The following PTPRN2 variants were observed in gnomAD, a reference collection of about 807,000 sequenced individuals.
The protein encoded by PTPRN2 is receptor-type tyrosine-protein phosphatase N2.
A neutral mutation model predicts 118.8 loss-of-function variants in PTPRN2; 74 were observed. That is an observed-to-expected ratio of 0.62 (90% CI 0.52 to 0.76). The LOEUF is 0.76. PTPRN2 is among the 30% of genes least tolerant of loss of function. The pLI, the probability that PTPRN2 is intolerant of heterozygous loss-of-function variation, is 0.00. For missense variants in PTPRN2, 1,481 were observed against 1,394.4 expected, an observed-to-expected ratio of 1.06 and a Z score of -0.99; for synonymous variants, 641 against 608.0, an observed-to-expected ratio of 1.05 and a Z score of -0.80.
intron 1 of PTPRN2, among the ~76,000 whole-genome samples, chr7:158,495,239 G>A (rs1821744190): frequency 6.6e-6 from 1 of 152,184 alleles, no homozygotes; most frequent in Non-Finnish European, 1.5e-5. Context: ...ACAGCCTGAG[G>A]CTCTGGGGTT....
intron 2 of PTPRN2, among the ~76,000 whole-genome samples, chr7:158,326,873 A>G: frequency 6.6e-6 from 1 of 151,476 alleles, no homozygotes; most frequent in Non-Finnish European, 1.5e-5. Flanking sequence ...TCTCGCATGC[A>G]CACGTTCTCA....
intron 6 of PTPRN2, among the ~76,000 whole-genome samples, chr7:158,153,321 T>G (rs1821383723): frequency 6.6e-6 from 1 of 152,184 alleles, no homozygotes; most frequent in African/African-American, 2.4e-5. Context: ...AACCCAGCAT[T>G]CAGAAAGCCC....
At chr7:157,945,884 G>A (rs757584134) in intron 11 of PTPRN2, among the ~76,000 whole-genome samples, 5 of 152,094 alleles carry the variant, frequency 3.3e-5, no homozygotes, top group Non-Finnish European at 5.9e-5. Context: ...ACCAACAGCT[G>A]GGGCATTCTC....
rs144223762 is a variant in PTPRN2 at position 157,861,292 on chromosome 7, C to T, written c.1788+37381G>A. Among the ~76,000 whole-genome samples the T allele has an allele frequency of 1.2e-3, 180 of 152,330 alleles. No homozygotes were observed. Among genetic ancestry groups the T allele is most frequent in the African/African-American group, 4.0e-3 (166 of 41,586 alleles). On this transcript the variant is annotated intron_variant, in intron 12 of 22. Coordinates refer to ENST00000389418, the MANE Select transcript of PTPRN2 (RefSeq NM_002847.5). This position sits in a 1 kb window ranked among gnomAD's most constrained non-coding sequence, Gnocchi z 5.8. ...GAACCGAAGCCCTCTGTGGGGAATC[C>T]GTGGGAGGATGAGAGGCCTGGATTG... is the stretch of plus-strand genomic sequence containing the variant.
At chr7:158,539,282 G>A (rs1825833387) in intron 1 of PTPRN2, 1 of 152,246 alleles carries the variant, frequency 6.6e-6, no homozygotes. Context: ...CTAGGCACCT[G>A]AAGACACAAG....
intron 9 of PTPRN2, among the ~76,000 whole-genome samples, chr7:158,114,925 G>A (rs767341623): frequency 5.3e-5 from 8 of 152,164 alleles, no homozygotes; most frequent in Non-Finnish European, 1.0e-4. Context: ...AGGCACGGAT[G>A]GCTAGAAGGA....
At chr7:158,214,612 A>AT (rs1266401618) in intron 3 of PTPRN2, among the ~76,000 whole-genome samples, 2 of 152,180 alleles carry the variant, frequency 1.3e-5, no homozygotes, top group African/African-American at 4.8e-5. Context: ...TGAGGCTGTA[A>AT]TAAGGCCTCC....
chr7:158,086,028 T>C (rs938146316), intron 10 of PTPRN2, among the ~76,000 whole-genome samples: 2 of 152,244 alleles, frequency 1.3e-5, no homozygotes, highest in Non-Finnish European at 2.9e-5. Context: ...TGTCCCGGCC[T>C]CACACACAGA....
In PTPRN2 at chr7:158,022,588, G is replaced by A. The variant is rs1368919892; in HGVS notation, c.1723+58710C>T. ...CCGGGCACTCTGTCTGGGGCAGCCC[G>A]TAATGTGTTCATAGCCAAGGCCCCG... On this transcript the variant is annotated intron_variant, in intron 11 of 22. Coordinates refer to ENST00000389418, the MANE Select transcript of PTPRN2 (RefSeq NM_002847.5). This position sits in a 1 kb window ranked among gnomAD's most constrained non-coding sequence, Gnocchi z 4.6. 3.5e-5 allele frequency among the ~76,000 whole-genome samples: 5 copies of A among 143,774 alleles called. No homozygotes were observed. Among genetic ancestry groups the A allele is most frequent in the South Asian group, 2.3e-4 (1 of 4,310 alleles). The allele number at this position is 143,774 out of a possible 152,430, so 94.3% of individuals were successfully genotyped here.
chr7:158,311,880 C>T (rs148038482), intron 3 of PTPRN2, among the ~76,000 whole-genome samples: 152 of 147,076 alleles, frequency 1.0e-3, no homozygotes, highest in Admixed American at 3.8e-3. Flanking sequence ...GACACCCACA[C>T]ACCTGCACGT....
chr7:157,774,188 AACAG>A (rs1339568474), intron 12 of PTPRN2, among the ~76,000 whole-genome samples: 1 of 152,238 alleles, frequency 6.6e-6, no homozygotes, highest in Non-Finnish European at 1.5e-5. Flanking sequence ...ATATGACAAA[AACAG>A]ACAATCTATT....
chr7:158,066,574 A>C (rs1003844487), intron 11 of PTPRN2, among the ~76,000 whole-genome samples: 1 of 152,110 alleles, frequency 6.6e-6, no homozygotes, highest in African/African-American at 2.4e-5. Flanking sequence ...AAATTCCAAA[A>C]CCAGGCACTG....
Position 158,140,265 on chromosome 7 carries a change from G to C in PTPRN2, c.911-1750C>G, listed in dbSNP as rs117559597. On this transcript the variant is annotated intron_variant, in intron 6 of 22. Coordinates refer to ENST00000389418, the MANE Select transcript of PTPRN2 (RefSeq NM_002847.5). The stretch of plus-strand genomic sequence containing the variant: ...AGTGGCACAGTGACAACTCCGAGGA[G>C]ACTGTTTCAAAGGCGCCAGGGCGTT... Among the ~76,000 whole-genome samples, 113 of 152,352 alleles carry C rather than the reference G, an allele frequency of 7.4e-4. 1 individual carries two copies. The East Asian group carries it at 0.017, about 22-fold the overall frequency.
intron 11 of PTPRN2, among the ~76,000 whole-genome samples, chr7:158,006,040 A>G (rs992415084): frequency 1.3e-5 from 2 of 152,168 alleles, no homozygotes; most frequent in African/African-American, 2.4e-5. Flanking sequence ...CCACTGCCCA[A>G]ATAAACATGT....
At position 157,764,520 on chromosome 7, in the gene PTPRN2, T is replaced by C. The variant is rs868111098; in HGVS notation, c.1789-81583A>G. On this transcript the variant is annotated intron_variant, in intron 12 of 22. Transcript: ENST00000389418. This position sits in a 1 kb window ranked among gnomAD's most constrained non-coding sequence, Gnocchi z 4.5. ...TGTGATTCCACTCGTATGGGGTCCT[T>C]AGAGTCATCAGATCCATAGAGACAG... Among the ~76,000 whole-genome samples, 1 of 152,142 alleles carries C rather than the reference T, an allele frequency of 6.6e-6. No homozygotes were observed. Among genetic ancestry groups the C allele is most frequent in the South Asian group, 2.1e-4 (1 of 4,832 alleles).
At chr7:158,377,575 T>C (rs568452635) in intron 2 of PTPRN2, among the ~76,000 whole-genome samples, 92 of 152,168 alleles carry the variant, frequency 6.0e-4, no homozygotes, top group African/African-American at 1.7e-3. Flanking sequence ...CTGGCTCGGC[T>C]TGGGGGTGGA....
intron 12 of PTPRN2, among the ~76,000 whole-genome samples, chr7:157,824,103 C>T (rs556997183): frequency 2.0e-5 from 3 of 152,186 alleles, no homozygotes; most frequent in African/African-American, 4.8e-5. Context: ...CTGAACCCAG[C>T]GAGAGCACAC....
chr7:158,334,306 C>G (rs1184545274), intron 2 of PTPRN2, among the ~76,000 whole-genome samples: 1 of 22,236 alleles, frequency 4.5e-5, no homozygotes, highest in Admixed American at 6.1e-4. Flanking sequence ...GAGCTGACAC[C>G]TGCAGACGTC....
chr7:158,353,975 G>C (rs757504863), intron 2 of PTPRN2, among the ~76,000 whole-genome samples: 4 of 152,188 alleles, frequency 2.6e-5, no homozygotes, highest in Non-Finnish European at 4.4e-5. Context: ...TCTGCAACTC[G>C]GCCAAAGGAG....
Sources: allele counts gnomAD v4.1 joint callset (sites outside exome capture counted in the v4.1 genomes callset), GRCh38; gene constraint gnomAD v4.1.1; non-coding constraint Gnocchi (gnomAD v3.1); transcripts MANE v1.5; gene names NCBI Gene and HGNC (gene_info 2026-07-23, HGNC 2026-07-21).